Variants in SYNPO2 observed in about 807,000 individuals in gnomAD.
SYNPO2 encodes synaptopodin-2.
SYNPO2 carries 56 observed loss-of-function variants against 85.0 expected under a neutral mutation model. That is an observed-to-expected ratio of 0.66 (90% CI 0.53 to 0.82). The LOEUF (loss-of-function observed/expected upper bound fraction) is 0.82, where lower values mean the gene tolerates loss of function less well. Ranked by LOEUF, SYNPO2 falls within the 40% of genes least tolerant of loss-of-function variation. The pLI, the probability that SYNPO2 is intolerant of heterozygous loss-of-function variation, is 0.00. For synonymous variants in SYNPO2, 602 were observed against 591.1 expected, an observed-to-expected ratio of 1.02 and a Z score of -0.27; for missense variants, 1,575 against 1,534.2, an observed-to-expected ratio of 1.03 and a Z score of -0.44.
intron 1 of SYNPO2, among the ~76,000 whole-genome samples, chr4:118,876,674 T>TTTCC (rs1731922038): frequency 1.6e-4 from 1 of 6,082 alleles, no homozygotes; most frequent in African/African-American, 7.3e-4. Context: ...TTTCTCTTTC[T>TTTCC]TTCTTTCTTT....
At chr4:118,969,365 T>C (rs1407442796) in intron 1 of SYNPO2, among the ~76,000 whole-genome samples, 1 of 152,110 alleles carries the variant, frequency 6.6e-6, no homozygotes, top group Non-Finnish European at 1.5e-5. Context: ...ATTTCCAAAC[T>C]CTTACATGCA....
intron 1 of SYNPO2, among the ~76,000 whole-genome samples, chr4:118,951,728 A>C (rs755365848): frequency 1.8e-4 from 27 of 152,134 alleles, no homozygotes; most frequent in Non-Finnish European, 3.4e-4. Context: ...ACCTTTCCAA[A>C]CGTGAATTTT....
At chr4:118,873,019 C>T (rs1731831334) in intron 1 of SYNPO2, among the ~76,000 whole-genome samples, 1 of 152,012 alleles carries the variant, frequency 6.6e-6, no homozygotes, top group East Asian at 1.9e-4. Flanking sequence ...TTTTTTATGG[C>T]TCAATAGTAT....
chr4:118,909,226 G>T (rs1381728287), intron 1 of SYNPO2, among the ~76,000 whole-genome samples: 3 of 152,214 alleles, frequency 2.0e-5, no homozygotes, highest in Non-Finnish European at 4.4e-5. Context: ...TCTTTTCAGG[G>T]TTGTGAAACA....
At chr4:118,866,818 A>G (rs1323979525) in intron 1 of SYNPO2, among the ~76,000 whole-genome samples, 1 of 152,132 alleles carries the variant, frequency 6.6e-6, no homozygotes, top group Non-Finnish European at 1.5e-5. Flanking sequence ...TGTAGGTTTC[A>G]TGAGGCCTCA....
At chr4:118,864,630 T>C (rs1469492897) in intron 1 of SYNPO2, among the ~76,000 whole-genome samples, 1 of 152,214 alleles carries the variant, frequency 6.6e-6, no homozygotes, top group East Asian at 1.9e-4. Flanking sequence ...TGCTCTAGTG[T>C]TGGGTATGTA....
intron 1 of SYNPO2, among the ~76,000 whole-genome samples, chr4:118,883,466 G>C (rs756603339): frequency 4.6e-5 from 7 of 152,148 alleles, no homozygotes; most frequent in Non-Finnish European, 7.3e-5. Context: ...TTCATAATGT[G>C]CTCTCTCAGT....
intron 1 of SYNPO2, among the ~76,000 whole-genome samples, chr4:118,937,313 G>C (rs550477792): frequency 6.6e-6 from 1 of 151,796 alleles, no homozygotes; most frequent in Non-Finnish European, 1.5e-5. Context: ...TTTCTGCCTT[G>C]GGACCTCTGC....
At chr4:118,923,206 T>C (rs1284450521) in intron 1 of SYNPO2, among the ~76,000 whole-genome samples, 1 of 152,090 alleles carries the variant, frequency 6.6e-6, no homozygotes, top group East Asian at 1.9e-4. Flanking sequence ...TGGAATACCG[T>C]GTAGCCATAA....
intron 1 of SYNPO2, among the ~76,000 whole-genome samples, chr4:118,878,937 G>C (rs1003599817): frequency 3.3e-5 from 5 of 152,072 alleles, no homozygotes; most frequent in South Asian, 2.1e-4. Flanking sequence ...TCAGTTTTTG[G>C]GTCCGCACTA....
Position 119,041,422 on chromosome 4 carries a change from G to A in SYNPO2, c.3252+9395G>A, listed in dbSNP as rs558313943. Among the ~76,000 whole-genome samples, 9 of 151,932 alleles carry A rather than the reference G, an allele frequency of 5.9e-5. No individual in the cohort carries two copies. In the East Asian group the frequency reaches 1.2e-3, roughly 20 times the overall value. The stretch of plus-strand genomic sequence containing the variant: ...AAGGAATTGGTTGAACTAATATAAT[G>A]TACTAATTTAAGGTTTCATTGCAAT... On this transcript the variant is annotated intron_variant, in intron 4 of 4. Transcript: ENST00000307142.
intron 1 of SYNPO2, among the ~76,000 whole-genome samples, chr4:118,939,093 G>A (rs1462941200): frequency 1.3e-5 from 2 of 152,110 alleles, no homozygotes; most frequent in Non-Finnish European, 2.9e-5. Context: ...TGTGAAATGA[G>A]GCACCGAATT....
chr4:119,030,634 C>T lies in SYNPO2; in HGVS notation c.1859C>T (p.Pro620Leu). 1 of 1,614,170 alleles carries T rather than the reference C, an allele frequency of 6.2e-7. No homozygotes were observed. Among genetic ancestry groups the T allele is most frequent in the South Asian group, 1.1e-5 (1 of 91,086 alleles). The change falls in exon 4 of 5, where the codon CCA becomes CTA. Residue 620 changes from proline to leucine, a missense_variant. By Grantham distance (98) the Pro-to-Leu change is moderately conservative. Coordinates refer to ENST00000307142, the MANE Select transcript of SYNPO2 (RefSeq NM_133477.3). Reference sequence around the variant, plus strand: ...CCCATTGCTGACTTTCCTGCACCTCCACCTTACTCTGCAGTCACTCCTCCC... The same window carrying T: ...CCCATTGCTGACTTTCCTGCACCTCTACCTTACTCTGCAGTCACTCCTCCC... ...TSPIADFPAP[P>L]PYSAVTPPPD...
Position 118,890,764 on chromosome 4 carries a change from G to C in SYNPO2, c.105+1623G>C, listed in dbSNP as rs921022031. Among the ~76,000 whole-genome samples, 7 of 140,220 alleles carry C rather than the reference G, an allele frequency of 5.0e-5. No individual in the cohort carries two copies. The Admixed American group carries it at 5.1e-4, about 10-fold the overall frequency. 92.0% of individuals were successfully genotyped at this position (140,220 alleles called of 152,430 possible). ...GTGTGTGTGTGTGTGTGTAGGGAGA[G>C]AGAGACAAATATTTTAACTTAGGTG... On this transcript the variant is annotated intron_variant, in intron 1 of 4. Transcript: ENST00000307142.
In SYNPO2 at chr4:119,027,830, A is replaced by G. The variant is rs1171029854; in HGVS notation, c.1069+392A>G. On this transcript the variant is annotated intron_variant, in intron 3 of 4. Transcript: ENST00000307142. ...AATGTCAAAAACTGTTGAGTCTGCTACTGAGAGGTGTCTTTAAAATAAAAG... is the reference window on the plus strand; with the variant it reads ...AATGTCAAAAACTGTTGAGTCTGCTGCTGAGAGGTGTCTTTAAAATAAAAG... 5.3e-5 allele frequency among the ~76,000 whole-genome samples: 8 copies of G among 152,284 alleles called. No individual in the cohort carries two copies. In the East Asian group the frequency reaches 1.5e-3, roughly 29 times the overall value.
intron 1 of SYNPO2, among the ~76,000 whole-genome samples, chr4:118,964,300 ACACAC>A (rs1560918158): frequency 0.012 from 134 of 10,982 alleles, no homozygotes; most frequent in Non-Finnish European, 0.041. Flanking sequence ...CACACACAAC[ACACAC>A]ACACACACAC....
intron 4 of SYNPO2, among the ~76,000 whole-genome samples, chr4:119,045,395 G>A (rs1738842925): frequency 6.6e-6 from 1 of 152,082 alleles, no homozygotes. Context: ...AGGCTGCAAT[G>A]AGCTATGATA....
At chr4:119,033,044 G>A (rs958444018) in intron 4 of SYNPO2, 7 of 981,386 alleles carry the variant, frequency 7.1e-6, no homozygotes, top group South Asian at 4.8e-5. Context: ...ACAGGATAAC[G>A]AAGTAACATG....
At chr4:119,047,416 G>A (rs1344880837) in intron 4 of SYNPO2, among the ~76,000 whole-genome samples, 2 of 152,198 alleles carry the variant, frequency 1.3e-5, no homozygotes, top group Non-Finnish European at 2.9e-5. Flanking sequence ...CAAAAATATG[G>A]TTTATTAGTC....
Sources: gnomAD v4.1 joint callset for allele counts (sites outside exome capture counted in the v4.1 genomes callset) on GRCh38, gnomAD v4.1.1 for gene constraint, MANE v1.5 for transcripts, NCBI Gene and HGNC (gene_info 2026-07-23, HGNC 2026-07-21) for gene names.